The following EXOC4 variants were observed in gnomAD, a reference collection of about 807,000 sequenced individuals.
The protein encoded by EXOC4 is SEC8-like 1.
In EXOC4, 71 loss-of-function variants were observed where a neutral mutation model predicts 107.2. The observed-to-expected ratio is 0.66, with a 90% CI of 0.55 to 0.81. The LOEUF (loss-of-function observed/expected upper bound fraction) is 0.81, where lower values mean the gene tolerates loss of function less well. EXOC4 is among the 30% of genes least tolerant of loss of function. EXOC4 has a pLI of 0.00. For missense variants in EXOC4, 1,108 were observed against 1,189.6 expected (o/e 0.93, Z 1.01); for synonymous variants, 456 against 441.2 (o/e 1.03, Z -0.42).
intron 10 of EXOC4, among the ~76,000 whole-genome samples, chr7:133,798,981 T>C (rs964517657): frequency 1.1e-4 from 16 of 152,254 alleles, no homozygotes; most frequent in Admixed American, 8.5e-4. Context: ...ACAATAAGGC[T>C]GAAGCTGCGA....
At chr7:133,353,201 G>A (rs555698366) in intron 5 of EXOC4, among the ~76,000 whole-genome samples, 59 of 152,150 alleles carry the variant, frequency 3.9e-4, no homozygotes, top group African/African-American at 1.4e-3. Context: ...TTTTATAATT[G>A]CCTAGACGTT....
At chr7:133,937,658 G>T (rs1159262044) in intron 13 of EXOC4, among the ~76,000 whole-genome samples, 1 of 152,214 alleles carries the variant, frequency 6.6e-6, no homozygotes, top group African/African-American at 2.4e-5. Context: ...GGTCCCTGTT[G>T]AAGGCACAAT....
intron 10 of EXOC4, chr7:133,733,476 A>G (rs968181842): frequency 5.9e-5 from 9 of 152,216 alleles, no homozygotes; most frequent in Admixed American, 2.0e-4. Context: ...TGGGCGACAG[A>G]GAGAGACTCT....
At chr7:133,466,716 A>G (rs1798737320) in intron 7 of EXOC4, among the ~76,000 whole-genome samples, 1 of 152,236 alleles carries the variant, frequency 6.6e-6, no homozygotes, top group Non-Finnish European at 1.5e-5. Flanking sequence ...CCAAAGTATT[A>G]TAGAAAACTG....
intron 6 of EXOC4, among the ~76,000 whole-genome samples, chr7:133,371,422 C>G (rs1796374854): frequency 6.6e-6 from 1 of 151,614 alleles, no homozygotes; most frequent in Admixed American, 6.6e-5. Flanking sequence ...GCCTAAGTAA[C>G]CACTAATATA....
chr7:133,770,311 AG>A (rs1327720849), intron 10 of EXOC4, among the ~76,000 whole-genome samples: 30 of 151,890 alleles, frequency 2.0e-4, no homozygotes, highest in African/African-American at 7.2e-4. Flanking sequence ...ATTAGCCTAC[AG>A]CTAACAGTCC....
chr7:134,066,868 A>G (rs115551267), downstream of EXOC4, among the ~76,000 whole-genome samples: 889 of 152,186 alleles, frequency 5.8e-3, 12 homozygotes, highest in African/African-American at 0.02. Flanking sequence ...GAAGGCCAAC[A>G]AAGGTCAGGC....
chr7:133,855,163 A>T (rs1183340048), intron 11 of EXOC4, among the ~76,000 whole-genome samples: 2 of 136,824 alleles, frequency 1.5e-5, no homozygotes, highest in Admixed American at 7.5e-5. Context: ...ATAAATATAT[A>T]TATTTTTTTT....
At chr7:133,471,784 T>C (rs183219636) in intron 7 of EXOC4, among the ~76,000 whole-genome samples, 1 of 152,316 alleles carries the variant, frequency 6.6e-6, no homozygotes, top group East Asian at 1.9e-4. Context: ...ATGGTGGAAG[T>C]AAAGAAATGT....
At chr7:133,590,643 G>A (rs770496794) in intron 9 of EXOC4, among the ~76,000 whole-genome samples, 4 of 152,172 alleles carry the variant, frequency 2.6e-5, no homozygotes, top group Non-Finnish European at 4.4e-5. Flanking sequence ...GGGACGGCTT[G>A]ATGGCGGGAC....
intron 9 of EXOC4, among the ~76,000 whole-genome samples, chr7:133,481,599 G>A (rs1287487826): frequency 3.9e-5 from 6 of 152,112 alleles, no homozygotes; most frequent in Admixed American, 3.9e-4. Context: ...AGATGCTGCT[G>A]TACTCTCTCA....
At chr7:134,077,875 C>T in the EXOC4 span, among the ~76,000 whole-genome samples, 1 of 152,182 alleles carries the variant, frequency 6.6e-6, no homozygotes, top group Admixed American at 6.5e-5. Flanking sequence ...AAACAGAATA[C>T]TTGAAGTCAC....
chr7:133,618,225 A>G (rs1433984157), intron 9 of EXOC4, among the ~76,000 whole-genome samples: 1 of 151,544 alleles, frequency 6.6e-6, no homozygotes, highest in South Asian at 2.1e-4. Flanking sequence ...TTCTAGTTAT[A>G]TATATATATT....
At chr7:133,441,295 T>C (rs767345708) in intron 7 of EXOC4, among the ~76,000 whole-genome samples, 29 of 152,176 alleles carry the variant, frequency 1.9e-4, no homozygotes, top group Non-Finnish European at 3.7e-4. Flanking sequence ...ATGAAGGGAC[T>C]AGCAGAAGGT....
chr7:133,531,129 G>C (rs1281392554), intron 9 of EXOC4, among the ~76,000 whole-genome samples: 2 of 151,978 alleles, frequency 1.3e-5, no homozygotes, highest in African/African-American at 4.8e-5. Flanking sequence ...ATAAAATAAA[G>C]TTTTTAGTAA....
At chr7:133,758,528 C>G (rs1795965703) in intron 10 of EXOC4, among the ~76,000 whole-genome samples, 1 of 152,206 alleles carries the variant, frequency 6.6e-6, no homozygotes, top group African/African-American at 2.4e-5. Flanking sequence ...AAGGCTAGGT[C>G]TCAATCCCTG....
intron 9 of EXOC4, among the ~76,000 whole-genome samples, chr7:133,584,791 C>G (rs187530427): frequency 5.3e-4 from 81 of 152,096 alleles, no homozygotes; most frequent in African/African-American, 1.9e-3. Flanking sequence ...GTTGGCCAGG[C>G]TGGTCTCGAA....
intron 7 of EXOC4, among the ~76,000 whole-genome samples, chr7:133,446,058 T>C (rs1163544425): frequency 6.6e-6 from 1 of 151,466 alleles, no homozygotes. Context: ...AGGATACTTC[T>C]AATGACCTTG....
At chr7:133,390,013 C>G (rs1738894396) in intron 7 of EXOC4, among the ~76,000 whole-genome samples, 1 of 152,060 alleles carries the variant, frequency 6.6e-6, no homozygotes, top group South Asian at 2.1e-4. Context: ...ATGATTCAGT[C>G]ACCTCCCACT....
Sources: allele counts gnomAD v4.1 joint callset (sites outside exome capture counted in the v4.1 genomes callset), GRCh38; gene constraint gnomAD v4.1.1; transcripts MANE v1.5; gene names NCBI Gene and HGNC (gene_info 2026-07-23, HGNC 2026-07-21).